Variants in CACNA2D4 observed in about 807,000 individuals in gnomAD.
CACNA2D4 encodes the protein voltage-dependent calcium channel subunit alpha-2/delta-4.
CACNA2D4 carries 157 observed loss-of-function variants against 163.8 expected under a neutral mutation model. The ratio of observed to expected loss-of-function variants is 0.96; its 90% CI spans 0.84 to 1.09. The LOEUF (loss-of-function observed/expected upper bound fraction) is 1.09, where lower values mean the gene tolerates loss of function less well. Ranked by LOEUF, CACNA2D4 falls within the 50% of genes least tolerant of loss-of-function variation. The probability of loss-of-function intolerance (pLI) is 0.00; values close to 1 mark genes in which losing one functional copy is unlikely to be tolerated. For synonymous variants in CACNA2D4, 598 were observed against 586.9 expected (o/e 1.02, Z -0.27); for missense variants, 1,410 against 1,479.9 (o/e 0.95, Z 0.78).
intron 6 of CACNA2D4, among the ~76,000 whole-genome samples, chr12:1,900,303 T>A (rs978204427): frequency 2.0e-5 from 3 of 152,156 alleles, no homozygotes; most frequent in Admixed American, 6.5e-5. Context: ...TTTTCATTTT[T>A]AAAAAATTTT....
In CACNA2D4 at chr12:1,856,170, T is replaced by C. The variant is rs1432784798; in HGVS notation, c.2054+14A>G. ...TTCCACCTGTCTCCCTCCCATTTTT[T>C]ACTCCTCACTTACCAGTCACCGGCC... On this transcript the variant is annotated intron_variant, in intron 21 of 37. Coordinates refer to ENST00000382722, the MANE Select transcript of CACNA2D4 (RefSeq NM_172364.5). 4 of 1,613,900 alleles carry C rather than the reference T, an allele frequency of 2.5e-6. No individual in the cohort carries two copies. Among genetic ancestry groups the C allele is most frequent in the Non-Finnish European group, 3.4e-6 (4 of 1,179,896 alleles).
intron 26 of CACNA2D4, chr12:1,827,362 C>CT: frequency 6.5e-6 from 1 of 153,178 alleles, no homozygotes; most frequent in Non-Finnish European, 1.5e-5. Flanking sequence ...CTCAGCGCCC[C>CT]TACTCTGCGT....
Position 1,878,600 on chromosome 12 carries a change from T to C in CACNA2D4, c.1645-211A>G, listed in dbSNP as rs952507774. On this transcript the variant is annotated intron_variant, in intron 15 of 37. Transcript: ENST00000382722. This position sits in a 1 kb window ranked among gnomAD's most constrained non-coding sequence, Gnocchi z 4.6. ...GGACTGTTTATAGCAACCGTCATCA[T>C]ACATATTATTACCTGACTTCTTTAC... Among the ~76,000 whole-genome samples the C allele has an allele frequency of 6.6e-6, 1 of 151,260 alleles. No individual in the cohort carries two copies. Among genetic ancestry groups the C allele is most frequent in the Admixed American group, 6.6e-5 (1 of 15,240 alleles).
At chr12:1,848,017 T>G (rs1164441581) in intron 23 of CACNA2D4, among the ~76,000 whole-genome samples, 1 of 151,738 alleles carries the variant, frequency 6.6e-6, no homozygotes, top group Non-Finnish European at 1.5e-5. Context: ...GTATCTCTTA[T>G]TTGTCTGTCT....
intron 26 of CACNA2D4, among the ~76,000 whole-genome samples, chr12:1,818,213 G>A (rs1023137994): frequency 5.3e-5 from 8 of 151,350 alleles, no homozygotes; most frequent in African/African-American, 1.7e-4. Context: ...CCGCCCGGCC[G>A]CCCCTACTGG....
At chr12:1,856,706 G>A (rs1039339089) in intron 20 of CACNA2D4, among the ~76,000 whole-genome samples, 1 of 152,202 alleles carries the variant, frequency 6.6e-6, no homozygotes, top group Non-Finnish European at 1.5e-5. Flanking sequence ...TCCCCAGGAT[G>A]GGCCCTGTGT....
intron 30 of CACNA2D4, 38 bp from the exon 31 acceptor site, chr12:1,801,156 A>G (rs1592649914): frequency 1.9e-6 from 3 of 1,547,394 alleles, no homozygotes; most frequent in Non-Finnish European, 2.7e-6. Flanking sequence ...GTCCAAAGCC[A>G]CCCCCACCCC....
At chr12:1,897,578 G>T (rs1169539743) in intron 6 of CACNA2D4, among the ~76,000 whole-genome samples, 1 of 152,172 alleles carries the variant, frequency 6.6e-6, no homozygotes, top group Non-Finnish European at 1.5e-5. Context: ...ATGTAAATAT[G>T]CTTAACTTGC....
intron 35 of CACNA2D4, 136 bp from the exon 36 acceptor site, chr12:1,795,916 G>A (rs1195627865): frequency 1.5e-6 from 1 of 669,814 alleles, no homozygotes; most frequent in Non-Finnish European, 2.7e-6. Flanking sequence ...GGCGGGTCGG[G>A]GCAGCTAAGG....
intron 23 of CACNA2D4, among the ~76,000 whole-genome samples, chr12:1,847,899 TA>T (rs375682843): frequency 3.9e-5 from 6 of 152,290 alleles, no homozygotes; most frequent in Admixed American, 3.3e-4. Context: ...TATTACACCT[TA>T]AAAAAACCTG....
intron 6 of CACNA2D4, among the ~76,000 whole-genome samples, chr12:1,890,521 T>A (rs1203139787): frequency 1.3e-5 from 2 of 152,226 alleles, no homozygotes; most frequent in Admixed American, 6.5e-5. Context: ...CACTGTGGGC[T>A]GCTGCCAACA....
intron 29 of CACNA2D4, among the ~76,000 whole-genome samples, chr12:1,804,863 G>A (rs1196700778): frequency 1.3e-5 from 2 of 152,266 alleles, no homozygotes; most frequent in African/African-American, 4.8e-5. Context: ...TTTTATGAGA[G>A]AATAAACCTT....
Position 1,843,332 on chromosome 12 carries a change from C to G in CACNA2D4, c.2470+1070G>C, listed in dbSNP as rs1001690483. Among the ~76,000 whole-genome samples the G allele has an allele frequency of 6.6e-6, 1 of 152,134 alleles. No homozygotes were observed. Among genetic ancestry groups the G allele is most frequent in the African/African-American group, 2.4e-5 (1 of 41,422 alleles). The stretch of plus-strand genomic sequence containing the variant: ...GCTCCAGGACATTTTTCCATCACGA[C>G]GCTTGAGGATGGTTTGGCAAAGTGG... On this transcript the variant is annotated intron_variant, in intron 25 of 37. Transcript: ENST00000382722. The surrounding 1 kb of genome is among the most constrained non-coding windows in gnomAD (Gnocchi z 4.6).
chr12:1,880,355 G>A (rs1035102062), intron 13 of CACNA2D4, among the ~76,000 whole-genome samples: 2 of 152,224 alleles, frequency 1.3e-5, no homozygotes, highest in Admixed American at 6.5e-5. Context: ...AGCACACCCC[G>A]AGGCACTGCA....
chr12:1,833,266 G>A lies in CACNA2D4; in HGVS notation c.2551+7473C>T, dbSNP rs1033230177. Among the ~76,000 whole-genome samples, 5 of 152,184 alleles carry A rather than the reference G, an allele frequency of 3.3e-5. No homozygotes were observed. Among genetic ancestry groups the A allele is most frequent in the Admixed American group, 1.3e-4 (2 of 15,286 alleles). Reference sequence around the variant, plus strand: ...GGCTGCAGAGGGAGCTGCCAGTGACGGAGTGGCTGCAGCCCGCATCTTTTC... The same window carrying A: ...GGCTGCAGAGGGAGCTGCCAGTGACAGAGTGGCTGCAGCCCGCATCTTTTC... On this transcript the variant is annotated intron_variant, in intron 26 of 37. Transcript: ENST00000382722. This position sits in a 1 kb window ranked among gnomAD's most constrained non-coding sequence, Gnocchi z 4.2.
chr12:1,816,756 A>T (rs553296482), intron 26 of CACNA2D4, among the ~76,000 whole-genome samples: 3 of 152,186 alleles, frequency 2.0e-5, no homozygotes, highest in African/African-American at 7.2e-5. Context: ...ACACACACAT[A>T]CATGCACACA....
intron 34 of CACNA2D4, 161 bp from the exon 35 acceptor site, chr12:1,797,696 A>C: frequency 2.2e-6 from 1 of 458,006 alleles, no homozygotes. Flanking sequence ...GCGGGGGGTG[A>C]GGGGAGGGAA....
rs1866685207 is a variant in CACNA2D4 at position 1,907,429 on chromosome 12, C to T, written c.781+11G>A. On this transcript the variant is annotated intron_variant, in intron 6 of 37. Coordinates refer to ENST00000382722, the MANE Select transcript of CACNA2D4 (RefSeq NM_172364.5). ...CCAGAAGGTCGGGGAGATGCAACTCCATGTCCTTACCTGGATAGATCCTGA... is the reference window on the plus strand; with the variant it reads ...CCAGAAGGTCGGGGAGATGCAACTCTATGTCCTTACCTGGATAGATCCTGA... The T allele has an allele frequency of 1.2e-6, 2 of 1,611,576 alleles. No homozygotes were observed. The highest frequency in any genetic ancestry group is 2.2e-5 in the South Asian group (2 of 90,984).
At chr12:1,851,679 GTTTT>G (rs71057803) in intron 23 of CACNA2D4, among the ~76,000 whole-genome samples, 12 of 63,506 alleles carry the variant, frequency 1.9e-4, no homozygotes, top group Admixed American at 9.1e-4. Flanking sequence ...GTGTGTGTGC[GTTTT>G]TTTTTTTTTT....
Sources: allele counts gnomAD v4.1 joint callset (sites outside exome capture counted in the v4.1 genomes callset), GRCh38; gene constraint gnomAD v4.1.1; non-coding constraint Gnocchi (gnomAD v3.1); transcripts MANE v1.5; gene names NCBI Gene and HGNC (gene_info 2026-07-23, HGNC 2026-07-21).